The following GRHL1 variants were observed in gnomAD, a reference collection of about 807,000 sequenced individuals.
GRHL1 encodes the protein grainyhead-like protein 1 homolog.
In GRHL1, 38 loss-of-function variants were observed where a neutral mutation model predicts 75.7. The observed-to-expected ratio is 0.50, with a 90% CI of 0.39 to 0.66. The LOEUF (loss-of-function observed/expected upper bound fraction) is 0.66. GRHL1 is among the 30% of genes least tolerant of loss of function. The pLI, the probability that GRHL1 is intolerant of heterozygous loss-of-function variation, is 0.00. For missense variants in GRHL1, 589 were observed against 767.5 expected, an observed-to-expected ratio of 0.77 and a Z score of 2.75; for synonymous variants, 266 against 279.4, an observed-to-expected ratio of 0.95 and a Z score of 0.48.
At position 9,961,337 on chromosome 2, in the gene GRHL1, C is replaced by T; in HGVS notation, c.570C>T (p.Leu190=). ...TERVVVFDRN[L]NTDQFSSGAQ... ...GGGTGGTGGTTTTCGATCGGAATCT[C>T]AATACTGACCAGTTCAGCTCTGGTG... is the stretch of plus-strand genomic sequence containing the variant. The change falls in exon 4 of 16, where the codon CTC becomes CTT. Residue 190 remains leucine, a synonymous_variant. Coordinates refer to ENST00000324907, the MANE Select transcript of GRHL1 (RefSeq NM_198182.3). 6.2e-7 allele frequency: 1 copy of T among 1,614,188 alleles called. No individual in the cohort carries two copies. The highest frequency in any genetic ancestry group is 8.5e-7 in the Non-Finnish European group (1 of 1,180,022).
chr2:9,960,145 AAG>A (rs1367077472), intron 3 of GRHL1: 1 of 152,214 alleles, frequency 6.6e-6, no homozygotes, highest in Non-Finnish European at 1.5e-5. Flanking sequence ...TCTTGGGTGA[AAG>A]AGAAAGCCAG....
In GRHL1 at chr2:9,990,756, C is replaced by A. The variant is rs1204743925; in HGVS notation, c.1321+9C>A. ...GCAAAGCAAAAGAAAAGGCAAGTGT[C>A]CTGACCCCAGCTCCCAGGTGAATGC... On this transcript the variant is annotated intron_variant, in intron 10 of 15. Coordinates refer to ENST00000324907, the MANE Select transcript of GRHL1 (RefSeq NM_198182.3). This position sits in a 1 kb window ranked among gnomAD's most constrained non-coding sequence, Gnocchi z 4.2. 1.2e-6 allele frequency: 2 copies of A among 1,609,710 alleles called. No individual in the cohort carries two copies. The highest frequency in any genetic ancestry group is 1.7e-6 in the Non-Finnish European group (2 of 1,176,576).
intron 9 of GRHL1, among the ~76,000 whole-genome samples, chr2:9,986,917 A>C (rs1668444795): frequency 6.6e-6 from 1 of 151,698 alleles, no homozygotes. Context: ...CATGTTTCCC[A>C]TGCTGGTCTT....
At position 9,968,688 on chromosome 2, in the gene GRHL1, C is replaced by G. The variant is rs1221119523; in HGVS notation, c.1110+3307C>G. 6.6e-6 allele frequency among the ~76,000 whole-genome samples: 1 copy of G among 152,106 alleles called. No homozygotes were observed. The highest frequency in any genetic ancestry group is 2.4e-5 in the African/African-American group (1 of 41,418). ...GCACTGGTCTCCTGCAGAAGAGAGG[C>G]CTAGGAGCTGAGGGGAGGGGTGCAT... On this transcript the variant is annotated intron_variant, in intron 8 of 15. Coordinates refer to ENST00000324907, the MANE Select transcript of GRHL1 (RefSeq NM_198182.3). The surrounding 1 kb of genome is among the most constrained non-coding windows in gnomAD (Gnocchi z 4.7).
chr2:9,999,153 G>T, intron 15 of GRHL1, 124 bp downstream of exon 15: 1 of 343,168 alleles, frequency 2.9e-6, no homozygotes, highest in Non-Finnish European at 5.4e-6. Context: ...GCATGCTAGT[G>T]ACACCCTCCT....
chr2:9,970,943 G>C (rs529712780), intron 8 of GRHL1, among the ~76,000 whole-genome samples: 1 of 152,070 alleles, frequency 6.6e-6, no homozygotes, highest in Non-Finnish European at 1.5e-5. Flanking sequence ...ATGGGAAACC[G>C]GTATCTCTCT....
intron 8 of GRHL1, among the ~76,000 whole-genome samples, chr2:9,975,430 C>G (rs1667907358): frequency 1.3e-5 from 2 of 152,188 alleles, no homozygotes; most frequent in African/African-American, 4.8e-5. Flanking sequence ...CAGGCAGTCT[C>G]TAAATACCAT....
At chr2:9,978,082 T>C (rs1242029322) in intron 8 of GRHL1, among the ~76,000 whole-genome samples, 2 of 152,050 alleles carry the variant, frequency 1.3e-5, no homozygotes, top group Non-Finnish European at 2.9e-5. Flanking sequence ...ATGGGGGAAA[T>C]CGCCCCCATG....
Position 9,961,419 on chromosome 2 carries a change from A to C in GRHL1, c.652A>C (p.Lys218Gln). 6.2e-7 allele frequency: 1 copy of C among 1,608,814 alleles called. No individual in the cohort carries two copies. Among genetic ancestry groups the C allele is most frequent in the Non-Finnish European group, 8.5e-7 (1 of 1,175,502 alleles). ...AGACTCGACCTTCTCAGAGACCTTC[A>C]AGGAAGGCGTTCAGGAGGTAAGGAA... ...TPDSTFSETFKEGVQEVFFPS... is the reference protein window; with the variant it reads ...TPDSTFSETFQEGVQEVFFPS... The change falls in exon 4 of 16, where the codon AAG (lysine) becomes CAG (glutamine). Residue 218 changes from lysine (K) to glutamine (Q), a missense_variant. Physicochemically the swap from Lys to Gln is moderately conservative, Grantham distance 53. Around this residue, in one of 5 missense-constraint regions of GRHL1, gnomAD observed 362 missense variants for 461.8 expected, o/e 0.78. Coordinates refer to ENST00000324907, the MANE Select transcript of GRHL1 (RefSeq NM_198182.3).
In GRHL1 at chr2:10,000,661, T is replaced by C. The variant is rs761182903; in HGVS notation, c.1811T>C (p.Ile604Thr). ...AATGAGGACACCTTCCAGCTGCAGA[T>C]TGAAGAAGCCGGGGGGTCTTACAAG... ...YSNEDTFQLQ[I>T]EEAGGSYKLT... Residue 604 changes from isoleucine to threonine, a missense_variant, in exon 16 of 16, where the codon ATT (isoleucine) becomes ACT (threonine). Transcript: ENST00000324907. 9.3e-6 allele frequency: 15 copies of C among 1,613,064 alleles called. No homozygotes were observed. Among genetic ancestry groups the C allele is most frequent in the South Asian group, 4.4e-5 (4 of 90,992 alleles).
intron 15 of GRHL1, among the ~76,000 whole-genome samples, chr2:9,999,529 G>C (rs1669177893): frequency 6.6e-6 from 1 of 152,240 alleles, no homozygotes; most frequent in Non-Finnish European, 1.5e-5. Flanking sequence ...CTCAGGGCTT[G>C]TTTATATTTA....
chr2:9,997,403 C>T (rs1572394041), intron 14 of GRHL1, among the ~76,000 whole-genome samples: 1 of 152,300 alleles, frequency 6.6e-6, no homozygotes, highest in East Asian at 1.9e-4. Flanking sequence ...ACGGGTGTCA[C>T]TCAGTGCATC....
chr2:9,979,153 A>C (rs1368968739), intron 8 of GRHL1, among the ~76,000 whole-genome samples: 14 of 143,672 alleles, frequency 9.7e-5, no homozygotes, highest in African/African-American at 3.2e-4. Context: ...CTCTCTCTCA[A>C]AAAAAAAAAA....
At chr2:9,958,722 A>G in intron 2 of GRHL1, 64 bp from the exon 3 acceptor site, 2 of 1,228,550 alleles carry the variant, frequency 1.6e-6, no homozygotes, top group Non-Finnish European at 2.4e-6. Context: ...AAAAGGCTGT[A>G]TCTTTGGGTA....
chr2:9,996,532 G>A (rs764259845), intron 14 of GRHL1, 131 bp downstream of exon 14: 129 of 670,588 alleles, frequency 1.9e-4, no homozygotes, highest in Non-Finnish European at 3.1e-4. Context: ...CCTTTCTCGA[G>A]TCGTCGTGCG....
At chr2:9,971,100 G>GT (rs1667705357) in intron 8 of GRHL1, among the ~76,000 whole-genome samples, 1 of 152,038 alleles carries the variant, frequency 6.6e-6, no homozygotes, top group Non-Finnish European at 1.5e-5. Flanking sequence ...AGGTTTATGA[G>GT]TTTAATAAGT....
intron 8 of GRHL1, among the ~76,000 whole-genome samples, chr2:9,977,727 G>A (rs1462250425): frequency 6.6e-6 from 1 of 152,192 alleles, no homozygotes; most frequent in Non-Finnish European, 1.5e-5. Context: ...TGAATGTTAA[G>A]GTTCTCACTC....
intron 8 of GRHL1, among the ~76,000 whole-genome samples, chr2:9,967,274 T>C (rs914079125): frequency 1.3e-5 from 2 of 152,206 alleles, no homozygotes; most frequent in South Asian, 2.1e-4. Context: ...CTCTTCTTCG[T>C]TGGGTGTGGT....
At chr2:9,999,063 A>G (rs542832777) in intron 15 of GRHL1, 34 bp downstream of exon 15, 9 of 1,211,518 alleles carry the variant, frequency 7.4e-6, no homozygotes, top group South Asian at 1.3e-5. Flanking sequence ...TACCTCGGAA[A>G]GTGCTGATGC....
Sources: gnomAD v4.1 joint callset for allele counts (sites outside exome capture counted in the v4.1 genomes callset) on GRCh38, gnomAD v4.1.1 for gene constraint, gnomAD v4.1.1 regional missense constraint, Gnocchi (gnomAD v3.1) non-coding constraint, MANE v1.5 for transcripts, NCBI Gene and HGNC (gene_info 2026-07-23, HGNC 2026-07-21) for gene names.